Variants in PALM2AKAP2 observed in about 807,000 individuals in gnomAD.
PALM2AKAP2 encodes PALM2 and AKAP2 fusion.
A neutral mutation model predicts 71.5 loss-of-function variants in PALM2AKAP2; 37 were observed. The ratio of observed to expected loss-of-function variants is 0.52; its 90% CI spans 0.40 to 0.68. The LOEUF is 0.68. Among genes scored for constraint, PALM2AKAP2 ranks in the 30% least tolerant of loss-of-function variants. The pLI, the probability that PALM2AKAP2 is intolerant of heterozygous loss-of-function variation, is 0.00. For synonymous variants in PALM2AKAP2, 468 were observed against 478.8 expected (o/e 0.98, Z 0.29); for missense variants, 1,224 against 1,191.8 (o/e 1.03, Z -0.40).
At chr9:110,157,561 G>A (rs1836490472) in intron 3 of PALM2AKAP2, among the ~76,000 whole-genome samples, 1 of 152,014 alleles carries the variant, frequency 6.6e-6, no homozygotes, top group Non-Finnish European at 1.5e-5. Context: ...ACCATACCTG[G>A]CTTATTTTTT....
At chr9:109,818,415 T>C (rs956804695) in intron 1 of PALM2AKAP2, among the ~76,000 whole-genome samples, 2 of 152,196 alleles carry the variant, frequency 1.3e-5, no homozygotes, top group African/African-American at 4.8e-5. Context: ...ATGGAGAGGC[T>C]TCTGGAAGTG....
intron 2 of PALM2AKAP2, among the ~76,000 whole-genome samples, chr9:109,874,373 T>C (rs7040294): frequency 0.74 from 112,391 of 152,166 alleles, 41,646 homozygotes; most frequent in Admixed American, 0.77. Flanking sequence ...GGCAAGATAG[T>C]AGAGTGTACC....
At chr9:109,977,171 T>C (rs1832187675) in intron 6 of PALM2AKAP2, among the ~76,000 whole-genome samples, 1 of 152,214 alleles carries the variant, frequency 6.6e-6, no homozygotes, top group Non-Finnish European at 1.5e-5. Context: ...TGTATCACAT[T>C]GACTCTCAGC....
At chr9:109,921,964 G>C (rs923403322) in intron 3 of PALM2AKAP2, among the ~76,000 whole-genome samples, 70 of 152,104 alleles carry the variant, frequency 4.6e-4, no homozygotes, top group African/African-American at 1.6e-3. Flanking sequence ...TCACTTTTCT[G>C]ACACCCAGGA....
upstream of PALM2AKAP2, among the ~76,000 whole-genome samples, chr9:110,048,175 G>A (rs1030628849): frequency 6.6e-6 from 1 of 152,182 alleles, no homozygotes; most frequent in Non-Finnish European, 1.5e-5. Flanking sequence ...TCCGGGAGTC[G>A]CTCTGACCCT....
At chr9:109,862,751 T>A (rs902271782) in intron 1 of PALM2AKAP2, among the ~76,000 whole-genome samples, 1 of 152,220 alleles carries the variant, frequency 6.6e-6, no homozygotes, top group Non-Finnish European at 1.5e-5. Flanking sequence ...AGATCAAAAT[T>A]GACAGATGTT....
rs539472991 is a variant in PALM2AKAP2 at position 110,053,752 on chromosome 9, T to C, written c.156+4897T>C. ...GATGATGTAGCTTCTTTTGAGTAGG[T>C]TTGAGGGGTTGGGTTTTTTGTTTGT... is the stretch of plus-strand genomic sequence containing the variant. On this transcript the variant is annotated intron_variant, in intron 1 of 3. Coordinates refer to ENST00000374525, the Ensembl canonical transcript of PALM2AKAP2. Among the ~76,000 whole-genome samples the C allele has an allele frequency of 5.9e-5, 9 of 151,860 alleles. No homozygotes were observed. The South Asian group carries it at 1.9e-3, about 32-fold the overall frequency.
chr9:109,746,302 G>C (rs1016662716), intron 1 of PALM2AKAP2, among the ~76,000 whole-genome samples: 1 of 152,170 alleles, frequency 6.6e-6, no homozygotes, highest in African/African-American at 2.4e-5. Flanking sequence ...AACAGGTTTG[G>C]AGGAATAGGA....
chr9:109,890,221 A>G (rs1285973915), intron 3 of PALM2AKAP2, among the ~76,000 whole-genome samples: 1 of 152,194 alleles, frequency 6.6e-6, no homozygotes, highest in Non-Finnish European at 1.5e-5. Flanking sequence ...TGGAGGTCTT[A>G]TTTGGTACAT....
chr9:109,790,401 G>A (rs544501493), intron 1 of PALM2AKAP2, among the ~76,000 whole-genome samples: 4 of 152,122 alleles, frequency 2.6e-5, no homozygotes, highest in Non-Finnish European at 5.9e-5. Flanking sequence ...TTTAAATTCA[G>A]GGCTGAAACT....
intron 1 of PALM2AKAP2, among the ~76,000 whole-genome samples, chr9:110,103,070 A>G (rs1382245231): frequency 6.6e-6 from 1 of 152,116 alleles, no homozygotes; most frequent in African/African-American, 2.4e-5. Flanking sequence ...CCCAGATTTC[A>G]GAGGGCAGCT....
intron 1 of PALM2AKAP2, among the ~76,000 whole-genome samples, chr9:109,700,235 G>A (rs1259541648): frequency 6.6e-6 from 1 of 152,126 alleles, no homozygotes; most frequent in East Asian, 1.9e-4. Context: ...GGGACGTGGT[G>A]GAAGGTAATT....
chr9:109,687,488 C>G (rs961286638), intron 1 of PALM2AKAP2, among the ~76,000 whole-genome samples: 4 of 152,210 alleles, frequency 2.6e-5, no homozygotes, highest in African/African-American at 9.6e-5. Context: ...CTTCTTTCCT[C>G]AAACCTCATG....
At chr9:110,004,711 G>A (rs529804647) in intron 6 of PALM2AKAP2, among the ~76,000 whole-genome samples, 75 of 152,224 alleles carry the variant, frequency 4.9e-4, no homozygotes, top group African/African-American at 1.7e-3. Context: ...CATTTTTCTT[G>A]GAGGCTTTGT....
chr9:109,681,221 A>G (rs923889649), intron 1 of PALM2AKAP2, among the ~76,000 whole-genome samples: 15 of 152,232 alleles, frequency 9.9e-5, no homozygotes, highest in African/African-American at 3.6e-4. Flanking sequence ...CATTGAGGAC[A>G]CATTAACTGC....
At chr9:109,831,448 C>T (rs891567807) in intron 1 of PALM2AKAP2, among the ~76,000 whole-genome samples, 3 of 141,048 alleles carry the variant, frequency 2.1e-5, no homozygotes, top group Non-Finnish European at 4.8e-5. Flanking sequence ...CCCTAGGCTA[C>T]CACCTGTCCT....
chr9:109,697,828 A>G (rs946871129), intron 1 of PALM2AKAP2, among the ~76,000 whole-genome samples: 5 of 152,188 alleles, frequency 3.3e-5, no homozygotes, highest in African/African-American at 1.2e-4. Context: ...TTAAATGATC[A>G]CAAATTGCCA....
chr9:109,702,670 C>T (rs577632629), intron 1 of PALM2AKAP2, among the ~76,000 whole-genome samples: 67 of 151,162 alleles, frequency 4.4e-4, no homozygotes, highest in African/African-American at 1.5e-3. Flanking sequence ...GTGCAGCACA[C>T]CAACATAGCA....
chr9:109,927,301 G>T (rs758278352), intron 5 of PALM2AKAP2, among the ~76,000 whole-genome samples: 3 of 152,128 alleles, frequency 2.0e-5, no homozygotes, highest in Non-Finnish European at 4.4e-5. Context: ...AGGGACTTTG[G>T]GATGTCTCTT....
Sources: gnomAD v4.1 joint callset for allele counts (sites outside exome capture counted in the v4.1 genomes callset) on GRCh38, gnomAD v4.1.1 for gene constraint, MANE v1.5 for transcripts, NCBI Gene and HGNC (gene_info 2026-07-23, HGNC 2026-07-21) for gene names.